Variants in DNAH17 observed in about 807,000 individuals in gnomAD.
DNAH17 encodes dynein axonemal heavy chain 17.
Under a neutral mutation model 485.6 loss-of-function variants are expected in DNAH17, and 376 were observed. The ratio of observed to expected loss-of-function variants is 0.77; its 90% CI spans 0.71 to 0.84. DNAH17 has a LOEUF of 0.84. Among genes scored for constraint, DNAH17 ranks in the 40% least tolerant of loss-of-function variants. The pLI is 0.00. For missense variants in DNAH17, 6,370 were observed against 5,839.3 expected, an observed-to-expected ratio of 1.09 and a Z score of -2.96; for synonymous variants, 3,031 against 2,405.9, an observed-to-expected ratio of 1.26 and a Z score of -7.60.
At chr17:78,465,846 G>A (rs2146552889) in intron 56 of DNAH17, among the ~76,000 whole-genome samples, 1 of 150,072 alleles carries the variant, frequency 6.7e-6, no homozygotes, top group East Asian at 2.0e-4. Context: ...GCCCCGTCCG[G>A]GAGGTGAGGG....
intron 74 of DNAH17, among the ~76,000 whole-genome samples, chr17:78,436,058 G>A (rs528006315): frequency 6.6e-6 from 1 of 152,328 alleles, no homozygotes; most frequent in Admixed American, 6.5e-5. Flanking sequence ...TTTTAAAAAT[G>A]TATCAGGCAT....
intron 11 of DNAH17, among the ~76,000 whole-genome samples, chr17:78,564,395 C>T (rs1170756440): frequency 1.3e-5 from 2 of 152,172 alleles, no homozygotes; most frequent in Non-Finnish European, 2.9e-5. Context: ...ATCGGAACAG[C>T]AGCAGGGAGT....
At chr17:78,441,236 G>A in intron 71 of DNAH17, 37 bp from the exon 72 acceptor site, 1 of 1,611,346 alleles carries the variant, frequency 6.2e-7, no homozygotes, top group Non-Finnish European at 8.5e-7. Context: ...CGGAACCTGA[G>A]GCTCTGGGCC....
chr17:78,500,330 T>G lies in DNAH17; in HGVS notation c.5615A>C (p.Asn1872Thr), dbSNP rs777918243. ...RALGTMVYVF[N>T]CSEQMDYKSC... Reference sequence around the variant, plus strand: ...CTTGTAGTCCATCTGCTCGGAGCAGTTGAAGACGTAGACCATGGTGCCCAG... The same window carrying G: ...CTTGTAGTCCATCTGCTCGGAGCAGGTGAAGACGTAGACCATGGTGCCCAG... Residue 1872 changes from asparagine (N) to threonine (T), a missense_variant, in exon 36 of 81, where the codon AAC (asparagine) becomes ACC (threonine). Physicochemically the swap from Asn to Thr is moderately conservative, Grantham distance 65. Transcript: ENST00000389840. 14 of 1,612,364 alleles carry G rather than the reference T, an allele frequency of 8.7e-6. No homozygotes were observed. The highest frequency in any genetic ancestry group is 1.1e-5 in the Non-Finnish European group (13 of 1,179,378).
chr17:78,536,263 C>T (rs2091371094), intron 19 of DNAH17, among the ~76,000 whole-genome samples: 1 of 151,838 alleles, frequency 6.6e-6, no homozygotes, highest in Non-Finnish European at 1.5e-5. Context: ...CATGGTGAAA[C>T]CCCGTCTCTA....
intron 7 of DNAH17, among the ~76,000 whole-genome samples, chr17:78,569,982 G>C (rs922320577): frequency 5.3e-5 from 8 of 152,214 alleles, no homozygotes; most frequent in African/African-American, 1.9e-4. Context: ...AGCACTAGAT[G>C]GGTCTCGGGG....
chr17:78,453,512 T>C, intron 64 of DNAH17, 47 bp from the exon 65 acceptor site: 1 of 1,610,558 alleles, frequency 6.2e-7, no homozygotes. Context: ...GGCCTCGTGA[T>C]GGAACGGTGC....
chr17:78,474,669 C>T (rs1204795381), intron 54 of DNAH17, among the ~76,000 whole-genome samples: 1 of 148,354 alleles, frequency 6.7e-6, no homozygotes, highest in Non-Finnish European at 1.5e-5. Context: ...GACAGACACA[C>T]TCTTCACCTC....
At chr17:78,504,894 CTTTTTTTTT>C (rs66596656) in intron 31 of DNAH17, among the ~76,000 whole-genome samples, 3 of 58,934 alleles carry the variant, frequency 5.1e-5, no homozygotes, top group East Asian at 6.2e-4. Context: ...ATTAACAGGG[CTTTTTTTTT>C]TTTTTTTTTT....
At chr17:78,483,894 C>T (rs187948061) in intron 48 of DNAH17, among the ~76,000 whole-genome samples, 19 of 151,800 alleles carry the variant, frequency 1.3e-4, no homozygotes, top group African/African-American at 4.1e-4. Flanking sequence ...GTCAGGAGTT[C>T]GAGAACAGCC....
chr17:78,572,222 AG>A (rs1390959538), intron 3 of DNAH17, among the ~76,000 whole-genome samples: 1 of 150,868 alleles, frequency 6.6e-6, no homozygotes, highest in Non-Finnish European at 1.5e-5. Flanking sequence ...GTGGCAAGGC[AG>A]GTGCGAGGGG....
rs371346446 is a variant in DNAH17, at chr17:78,424,137, G to A, written c.13158C>T (p.Thr4386=). Residue 4386 remains threonine, a synonymous_variant, in exon 81 of 81, where the codon ACC becomes ACT. Transcript: ENST00000389840. ...GLFMEGARWD[T]QTGVIAEARL... ...GCGCTTCAGCGATGACTCCAGTCTG[G>A]GTGTCCCAGCGAGCCCCTGCAGGGA... 115 of 1,612,118 alleles carry A rather than the reference G, an allele frequency of 7.1e-5. No individual in the cohort carries two copies. The African/African-American group carries it at 1.3e-3, about 18-fold the overall frequency.
At chr17:78,425,025 G>T in intron 80 of DNAH17, 1 of 218,126 alleles carries the variant, frequency 4.6e-6, no homozygotes, top group Non-Finnish European at 9.2e-6. Context: ...CTCCGTGGCA[G>T]GGAAAGCCTG....
chr17:78,514,679 C>T, intron 26 of DNAH17, 95 bp downstream of exon 26: 1 of 1,487,544 alleles, frequency 6.7e-7, no homozygotes, highest in African/African-American at 1.4e-5. Context: ...AGCATCGGGC[C>T]CTGAACACCT....
In DNAH17 at chr17:78,426,460, G is replaced by A. The variant is rs2086467180; in HGVS notation, c.12912C>T (p.Ile4304=). 6.3e-6 allele frequency: 10 copies of A among 1,599,590 alleles called. No individual in the cohort carries two copies. The highest frequency in any genetic ancestry group is 7.7e-6 in the Non-Finnish European group (9 of 1,173,428). Residue 4304 remains isoleucine, a synonymous_variant, in exon 79 of 81, where the codon ATC becomes ATT. Coordinates refer to ENST00000389840, the MANE Select transcript of DNAH17 (RefSeq NM_173628.4). ...AAWYADLLLR[I]RELEAWTTDF... is the part of the protein sequence containing the mutation. ...TCTCAGAGAAAACGGCACTTACCCTGATGCGGAGCAGCAGGTCTGCGTACC... is the reference window on the plus strand; with the variant it reads ...TCTCAGAGAAAACGGCACTTACCCTAATGCGGAGCAGCAGGTCTGCGTACC...
At position 78,486,237 on chromosome 17, in the gene DNAH17, A is replaced by T. The variant is rs1275627409; in HGVS notation, c.7088T>A (p.Met2363Lys). The T allele has an allele frequency of 2.5e-6, 4 of 1,589,244 alleles. No homozygotes were observed. In the Admixed American group the frequency reaches 6.8e-5, roughly 27 times the overall value. The part of the protein sequence containing the change: ...FTCFWAFGGA[M>K]FQDQLVDYRV... ...CAGGTGCATCACCTGGTCCTGGAACATGGCGCCACCGAAGGCCCAGAAGCA... is the reference window on the plus strand; with the variant it reads ...CAGGTGCATCACCTGGTCCTGGAACTTGGCGCCACCGAAGGCCCAGAAGCA... Residue 2363 changes from methionine (M) to lysine (K), a missense_variant, in exon 45 of 81, where the codon ATG becomes AAG. Physicochemically the swap from Met to Lys is moderately conservative, Grantham distance 95. Coordinates refer to ENST00000389840, the MANE Select transcript of DNAH17 (RefSeq NM_173628.4).
In DNAH17 at chr17:78,425,279, TTTATC is replaced by T. The variant is rs143392722; in HGVS notation, c.13141+62_13141+66del. 257,905 of 1,503,306 alleles carry T rather than the reference TTTATC, an allele frequency of 0.17. 22,990 individuals are homozygous for T. Among genetic ancestry groups the T allele is most frequent in the Middle Eastern group, 0.21 (1,200 of 5,732 alleles). The allele number at this position is 1,503,306 out of a possible 1,614,324, so 93.1% of individuals were successfully genotyped here. On this transcript the variant is annotated intron_variant, in intron 80 of 80. Transcript: ENST00000389840. The stretch of plus-strand genomic sequence containing the variant: ...CAGCCTGTCTTTGCCAAGAGCTAGT[TTTATC>T]TTGTCTTGGCAAGTAGCACTGGCTC...
intron 77 of DNAH17, 26 bp from the exon 78 acceptor site, chr17:78,427,134 C>T (rs768124397): frequency 1.3e-6 from 2 of 1,554,414 alleles, no homozygotes; most frequent in Non-Finnish European, 1.7e-6. Context: ...CGGACAGCCC[C>T]TGTCACTGCA....
intron 12 of DNAH17, 85 bp from the exon 13 acceptor site, chr17:78,561,020 G>C: frequency 7.3e-7 from 1 of 1,368,562 alleles, no homozygotes; most frequent in Non-Finnish European, 9.9e-7. Context: ...TGCCCGATCT[G>C]GGGTGCCGAA....
Sources: gnomAD v4.1 joint callset for allele counts (sites outside exome capture counted in the v4.1 genomes callset) on GRCh38, gnomAD v4.1.1 for gene constraint, MANE v1.5 for transcripts, NCBI Gene and HGNC (gene_info 2026-07-23, HGNC 2026-07-21) for gene names.